HOXD13: variants seen among roughly 807,000 people sequenced by gnomAD.
HOXD13 encodes homeobox D13, also known as homeobox protein Hox-D13.
Under a neutral mutation model 27.3 loss-of-function variants are expected in HOXD13, and 16 were observed. That is an observed-to-expected ratio of 0.59 (90% CI 0.40 to 0.89). HOXD13 has a LOEUF of 0.89. Ranked by LOEUF, HOXD13 falls within the 40% of genes least tolerant of loss-of-function variation. HOXD13 has a pLI of 0.00. For synonymous variants in HOXD13, 241 were observed against 219.0 expected, an observed-to-expected ratio of 1.10 and a Z score of -0.89; for missense variants, 481 against 482.6, an observed-to-expected ratio of 1.00 and a Z score of 0.03.
chr2:176,088,843 T>G (rs1438968818), upstream of HOXD13, among the ~76,000 whole-genome samples: 1 of 152,180 alleles, frequency 6.6e-6, no homozygotes, highest in African/African-American at 2.4e-5. Flanking sequence ...AGGCAACAAG[T>G]TACTCTGGGC....
upstream of HOXD13, among the ~76,000 whole-genome samples, chr2:176,088,427 C>T (rs1359335301): frequency 6.6e-6 from 1 of 152,226 alleles, no homozygotes. Flanking sequence ...AGACCCATCG[C>T]CTGCCTCGAG....
upstream of HOXD13, among the ~76,000 whole-genome samples, chr2:176,092,514 G>C (rs1163302977): frequency 3.4e-5 from 5 of 149,212 alleles, no homozygotes; most frequent in Non-Finnish European, 6.0e-5. Context: ...CAAGGGGCAG[G>C]AGAGGGGTGG....
chr2:176,095,172 C>A lies in HOXD13; in HGVS notation c.*442C>A. 3.8e-6 allele frequency: 1 copy of A among 262,674 alleles called. No individual in the cohort carries two copies. Among genetic ancestry groups the A allele is most frequent in the East Asian group, 5.7e-5 (1 of 17,484 alleles). The allele number at this position is 262,674 out of a possible 1,614,324, so 16.3% of individuals were successfully genotyped here. A position where few individuals can be genotyped will look rare whatever the true frequency, so the allele number is the denominator to read the frequency against. On this transcript the variant is annotated 3_prime_UTR_variant, in exon 2 of 2. Transcript: ENST00000392539. ...CAGAATGGTTTTCAGTCGTTCATAT[C>A]CTGTAATTAGGTAATTGAATCATTA...
intron 1 of HOXD13, 82 bp from the exon 2 acceptor site, chr2:176,094,398 C>A: frequency 1.3e-6 from 2 of 1,521,774 alleles, no homozygotes; most frequent in Middle Eastern, 2.2e-4. Flanking sequence ...CACACACACA[C>A]ACACACACAC....
chr2:176,092,813 G>A lies in HOXD13; in HGVS notation c.-78G>A, dbSNP rs1402526114. The A allele has an allele frequency of 1.7e-5, 16 of 936,024 alleles. No homozygotes were observed. Among genetic ancestry groups the A allele is most frequent in the Non-Finnish European group, 2.2e-5 (16 of 725,500 alleles). 58.0% of individuals were successfully genotyped at this position (936,024 alleles called of 1,614,324 possible). Reference sequence around the variant, plus strand: ...GAGCGAGCGAACCAGAGAGAAAGGAGAGGAGGGAGGAGGCGCGCCGCGCCA... The same window carrying A: ...GAGCGAGCGAACCAGAGAGAAAGGAAAGGAGGGAGGAGGCGCGCCGCGCCA... On this transcript the variant is annotated 5_prime_UTR_variant, in exon 1 of 2. Coordinates refer to ENST00000392539, the MANE Select transcript of HOXD13 (RefSeq NM_000523.4).
Position 176,095,227 on chromosome 2 carries a change from A to AAATTTTTT in HOXD13, c.*499_*500insTTTTTTAA. 4.2e-6 allele frequency: 1 copy of AAATTTTTT among 239,212 alleles called. No homozygotes were observed. The highest frequency in any genetic ancestry group is 8.2e-6 in the Non-Finnish European group (1 of 121,364). 14.8% of individuals were successfully genotyped at this position (239,212 alleles called of 1,614,324 possible). On this transcript the variant is annotated 3_prime_UTR_variant, in exon 2 of 2. Transcript: ENST00000392539. ...TCAGCAGTTGCCCTGAGGCAAGTGG[A>AAATTTTTT]AAGGCAGGCAGTGCTCTGGGGTCAC...
rs1689385509 is a variant in HOXD13 at position 176,094,678 on chromosome 2, G to A, written c.980G>A (p.Arg327Gln). Residue 327 changes from arginine to glutamine, a missense_variant, in exon 2 of 2, where the codon CGA (arginine) becomes CAA (glutamine). Arg to Gln is a conservative substitution (Grantham distance 43). Transcript: ENST00000392539. ...ERQVTIWFQN[R>Q]RVKDKKIVSK... ...CAAGTGACCATTTGGTTTCAGAACC[G>A]AAGAGTGAAGGACAAGAAAATTGTC... 2 of 1,614,006 alleles carry A rather than the reference G, an allele frequency of 1.2e-6. No individual in the cohort carries two copies. The highest frequency in any genetic ancestry group is 1.7e-6 in the Non-Finnish European group (2 of 1,179,856).
Position 176,094,836 on chromosome 2 carries a change from G to C in HOXD13, c.*106G>C, listed in dbSNP as rs1476486442. 3 of 1,007,748 alleles carry C rather than the reference G, an allele frequency of 3.0e-6. No individual in the cohort carries two copies. The highest frequency in any genetic ancestry group is 1.9e-5 in the Admixed American group (1 of 52,706). 62.4% of individuals were successfully genotyped at this position (1,007,748 alleles called of 1,614,324 possible). Reference sequence around the variant, plus strand: ...TTAATTCCCCCCACCCCCTGCCAATGGTGGCAAATTTTGTGAATTGTTTTT... The same window carrying C: ...TTAATTCCCCCCACCCCCTGCCAATCGTGGCAAATTTTGTGAATTGTTTTT... On this transcript the variant is annotated 3_prime_UTR_variant, in exon 2 of 2. Coordinates refer to ENST00000392539, the MANE Select transcript of HOXD13 (RefSeq NM_000523.4).
chr2:176,095,482 G>C lies in HOXD13; in HGVS notation c.*752G>C. On this transcript the variant is annotated 3_prime_UTR_variant, in exon 2 of 2. Transcript: ENST00000392539. ...GATCGTGGATGCCTTCATTTCTTGA[G>C]CTCTCAATGCAGACATTTAAATGGC... 1 of 229,668 alleles carries C rather than the reference G, an allele frequency of 4.4e-6. No individual in the cohort carries two copies. The allele number at this position is 229,668 out of a possible 1,614,324, so 14.2% of individuals were successfully genotyped here.
At chr2:176,093,782 C>T in intron 1 of HOXD13, 111 bp downstream of exon 1, 1 of 694,244 alleles carries the variant, frequency 1.4e-6, no homozygotes, top group Admixed American at 2.9e-5. Flanking sequence ...TGCCTGTGCT[C>T]CACACGTGAC....
At position 176,094,506 on chromosome 2, in the gene HOXD13, A is replaced by C; in HGVS notation, c.808A>C (p.Met270Leu). ...PGDVALNQPD[M>L]CVYRRGRKKR... ...GGATGTGGCTCTAAATCAGCCGGAC[A>C]TGTGCGTCTACCGAAGAGGGAGGAA... The change falls in exon 2 of 2, where the codon ATG (methionine) becomes CTG (leucine). Residue 270 changes from methionine to leucine, a missense_variant. Met to Leu is a conservative substitution (Grantham distance 15). Coordinates refer to ENST00000392539, the MANE Select transcript of HOXD13 (RefSeq NM_000523.4). The C allele has an allele frequency of 6.2e-7, 1 of 1,614,142 alleles. No individual in the cohort carries two copies. Among genetic ancestry groups the C allele is most frequent in the Non-Finnish European group, 8.5e-7 (1 of 1,180,014 alleles).
upstream of HOXD13, among the ~76,000 whole-genome samples, chr2:176,089,842 G>A (rs1689294259): frequency 6.6e-6 from 1 of 152,160 alleles, no homozygotes; most frequent in African/African-American, 2.4e-5. Flanking sequence ...CACACGTTTG[G>A]AGACATGTGT....
chr2:176,087,809 G>C (rs748094119), upstream of HOXD13, among the ~76,000 whole-genome samples: 10 of 152,246 alleles, frequency 6.6e-5, no homozygotes, highest in Non-Finnish European at 1.3e-4. Context: ...CGCATGGACT[G>C]AAAAGCCCTT....
In HOXD13 at chr2:176,093,305, C is replaced by T; in HGVS notation, c.415C>T (p.Arg139Cys). Residue 139 changes from arginine (R) to cysteine (C), a missense_variant, in exon 1 of 2, where the codon CGT (arginine) becomes TGT (cysteine). Arg to Cys is a radical substitution (Grantham distance 180). Coordinates refer to ENST00000392539, the MANE Select transcript of HOXD13 (RefSeq NM_000523.4). ...CTTCGGCAACGGCTACTACAGCTGC[C>T]GTATGTCGCACGGCGTGGGCTTACA... ...YHFGNGYYSC[R>C]MSHGVGLQQN... 6.2e-7 allele frequency: 1 copy of T among 1,612,580 alleles called. No individual in the cohort carries two copies. The highest frequency in any genetic ancestry group is 8.5e-7 in the Non-Finnish European group (1 of 1,179,798).
upstream of HOXD13, among the ~76,000 whole-genome samples, chr2:176,092,120 G>A (rs1386754363): frequency 6.6e-6 from 1 of 152,206 alleles, no homozygotes; most frequent in African/African-American, 2.4e-5. Context: ...CAGCGTGTGT[G>A]TATAGGAAGG....
chr2:176,087,977 C>T (rs893124755), upstream of HOXD13, among the ~76,000 whole-genome samples: 1 of 152,240 alleles, frequency 6.6e-6, no homozygotes, highest in Non-Finnish European at 1.5e-5. Context: ...CCGGGCTGCC[C>T]GAGGGGAGGG....
rs1689386741 is a variant in HOXD13 at position 176,094,729 on chromosome 2, G to C, written c.1031G>C (p.Ter344SerextTer10). ...TCCAAGCTCAAAGATACTGTCTCCT[G>C]ATGTGGTCCAGGTTGGCCACAGACA... The part of the protein sequence containing the change: ...IVSKLKDTVS[*>S] The change falls in exon 2 of 2, where the codon TGA becomes TCA. Residue 344 changes from the stop codon to serine (S), a stop_lost. Coordinates refer to ENST00000392539, the MANE Select transcript of HOXD13 (RefSeq NM_000523.4). 1 of 1,613,944 alleles carries C rather than the reference G, an allele frequency of 6.2e-7. No individual in the cohort carries two copies. The highest frequency in any genetic ancestry group is 8.5e-7 in the Non-Finnish European group (1 of 1,179,964).
rs1239483541 is a variant in HOXD13, at chr2:176,095,595, C to T, written c.*865C>T. 3 of 228,006 alleles carry T rather than the reference C, an allele frequency of 1.3e-5. No homozygotes were observed. In the East Asian group the frequency reaches 1.9e-4, roughly 14 times the overall value. 14.1% of individuals were successfully genotyped at this position (228,006 alleles called of 1,614,324 possible). A position where few individuals can be genotyped will look rare whatever the true frequency, so the allele number is the denominator to read the frequency against. On this transcript the variant is annotated 3_prime_UTR_variant, in exon 2 of 2. Transcript: ENST00000392539. Reference sequence around the variant, plus strand: ...ATGGGTCTGGGATTGTGGTCATCTCCTCAATCCTCAAAAAGAGGCTGAATC... The same window carrying T: ...ATGGGTCTGGGATTGTGGTCATCTCTTCAATCCTCAAAAAGAGGCTGAATC...
chr2:176,095,401 C>A lies in HOXD13; in HGVS notation c.*671C>A. The stretch of plus-strand genomic sequence containing the variant: ...TGCTGTTTTAATTGTTTGTTTTTAA[C>A]ACTTTGTAGGTTTGTGTTTTCATAA... On this transcript the variant is annotated 3_prime_UTR_variant, in exon 2 of 2. Coordinates refer to ENST00000392539, the MANE Select transcript of HOXD13 (RefSeq NM_000523.4). 4.4e-6 allele frequency: 1 copy of A among 229,360 alleles called. No homozygotes were observed. The highest frequency in any genetic ancestry group is 8.7e-6 in the Non-Finnish European group (1 of 115,446). The allele number at this position is 229,360 out of a possible 1,614,324, so 14.2% of individuals were successfully genotyped here.
Sources: gnomAD v4.1 joint callset for allele counts (sites outside exome capture counted in the v4.1 genomes callset) on GRCh38, gnomAD v4.1.1 for gene constraint, MANE v1.5 for transcripts, NCBI Gene and HGNC (gene_info 2026-07-23, HGNC 2026-07-21) for gene names.